Variants in TEX11 observed in about 807,000 individuals in gnomAD.
TEX11 encodes testis expressed 11, also known as testis-expressed protein 11.
A neutral mutation model predicts 84.4 loss-of-function variants in TEX11; 7 were observed. That is an observed-to-expected ratio of 0.08 (90% CI 0.05 to 0.16). TEX11 has a LOEUF of 0.16. Among genes scored for constraint, TEX11 ranks in the 10% least tolerant of loss-of-function variants. The pLI is 1.00. For synonymous variants in TEX11, 264 were observed against 222.8 expected, an observed-to-expected ratio of 1.18 and a Z score of -1.64; for missense variants, 551 against 660.5, an observed-to-expected ratio of 0.83 and a Z score of 1.82.
rs756093368 is a variant in TEX11 at position 70,846,859 on chromosome X, G to C, written c.525+6175C>G. On this transcript the variant is annotated intron_variant, in intron 7 of 29. Transcript: ENST00000374333. The stretch of plus-strand genomic sequence containing the variant: ...GAATAGCTTGAACCCAGGAGGCAGA[G>C]ATTTCAGTGAGCTGAGATCACGCCA... Among the ~76,000 whole-genome samples, 6 of 111,593 alleles carry C rather than the reference G, an allele frequency of 5.4e-5. No homozygotes were observed. In the Admixed American group the frequency reaches 5.7e-4, roughly 11 times the overall value.
At chrX:70,903,424 G>A (rs2091813785) in intron 2 of TEX11, among the ~76,000 whole-genome samples, 1 of 110,716 alleles carries the variant, frequency 9.0e-6, no homozygotes, top group South Asian at 4.1e-4. Flanking sequence ...TAACAGCTCT[G>A]ACATCACTAG....
At chrX:70,565,578 G>C (rs954153546) in intron 25 of TEX11, among the ~76,000 whole-genome samples, 4 of 111,132 alleles carry the variant, frequency 3.6e-5, no homozygotes, top group Non-Finnish European at 7.5e-5. Flanking sequence ...ATTGATTTTT[G>C]TATAAGGGGT....
chrX:70,634,757 A>G lies in TEX11; in HGVS notation c.1484-5022T>C, dbSNP rs1295075361. 8.2e-4 allele frequency among the ~76,000 whole-genome samples: 92 copies of G among 112,195 alleles called. 3 individuals carry two copies. Among genetic ancestry groups the G allele is most frequent in the Non-Finnish European group, 3.8e-5 (2 of 53,253 alleles). On this transcript the variant is annotated intron_variant, in intron 17 of 29. Transcript: ENST00000374333. ...CAATCCATACCTTGAACCAAATACAAAAATTAACTAAAAATTGTTCATAGA... is the reference window on the plus strand; with the variant it reads ...CAATCCATACCTTGAACCAAATACAGAAATTAACTAAAAATTGTTCATAGA...
At chrX:70,592,511 T>G (rs1206832147) in intron 24 of TEX11, among the ~76,000 whole-genome samples, 1 of 111,653 alleles carries the variant, frequency 9.0e-6, no homozygotes, top group African/African-American at 3.3e-5. Context: ...AGCCTCTATT[T>G]GTAAGGCAAA....
intron 13 of TEX11, among the ~76,000 whole-genome samples, chrX:70,707,250 T>A (rs976700684): frequency 1.8e-5 from 2 of 111,062 alleles, no homozygotes; most frequent in South Asian, 7.6e-4. Flanking sequence ...CCTATACCAA[T>A]TTGTCACTTA....
At chrX:70,613,388 G>C (rs962263599) in intron 20 of TEX11, among the ~76,000 whole-genome samples, 4 of 111,583 alleles carry the variant, frequency 3.6e-5, no homozygotes, top group Non-Finnish European at 5.6e-5. Context: ...ACTTGAGAAA[G>C]AGAGAGAGAG....
chrX:70,800,584 T>C (rs748255419), intron 9 of TEX11, among the ~76,000 whole-genome samples: 1 of 111,020 alleles, frequency 9.0e-6, no homozygotes, highest in Admixed American at 9.6e-5. Context: ...AATGAAAATA[T>C]GGAGAAAAGA....
intron 25 of TEX11, among the ~76,000 whole-genome samples, chrX:70,564,621 T>C (rs2088430268): frequency 1.0e-5 from 1 of 99,563 alleles, no homozygotes; most frequent in African/African-American, 3.7e-5. Flanking sequence ...ATTCTCATCG[T>C]TCAATTCCCA....
chrX:70,589,164 A>G (rs2088893531), intron 25 of TEX11, among the ~76,000 whole-genome samples: 1 of 110,779 alleles, frequency 9.0e-6, no homozygotes, highest in East Asian at 2.8e-4. Context: ...TATATATTTT[A>G]CCACAAAACT....
intron 13 of TEX11, among the ~76,000 whole-genome samples, chrX:70,718,438 A>G (rs753999217): frequency 1.6e-3 from 180 of 111,902 alleles, no homozygotes; most frequent in Non-Finnish European, 2.0e-3. Flanking sequence ...CATTTCCCCA[A>G]AAAATGACTT....
intron 28 of TEX11, among the ~76,000 whole-genome samples, chrX:70,546,425 T>C (rs2088125789): frequency 9.0e-6 from 1 of 111,559 alleles, no homozygotes. Flanking sequence ...CTTTGGCTCT[T>C]CAAATGATAC....
rs1287304941 is a variant in TEX11 at position 70,624,014 on chromosome X, A to G, written c.1695-8T>C. Reference sequence around the variant, plus strand: ...AGAAAACGAAGCAAACACCTGTATGACAAAGTAATATGGAAAGTGATTCTT... The same window carrying G: ...AGAAAACGAAGCAAACACCTGTATGGCAAAGTAATATGGAAAGTGATTCTT... On this transcript the variant is annotated splice_polypyrimidine_tract_variant and splice_region_variant and intron_variant, in intron 19 of 29. Transcript: ENST00000374333. 1.7e-6 allele frequency: 2 copies of G among 1,193,634 alleles called. No homozygotes were observed. Among genetic ancestry groups the G allele is most frequent in the East Asian group, 3.0e-5 (1 of 33,460 alleles).
intron 9 of TEX11, among the ~76,000 whole-genome samples, chrX:70,795,211 G>A (rs2091148790): frequency 9.1e-6 from 1 of 109,579 alleles, no homozygotes; most frequent in Non-Finnish European, 1.9e-5. Context: ...CCACGGGCCT[G>A]TGACAGTGGT....
At chrX:70,667,622 T>C (rs2089987053) in intron 16 of TEX11, among the ~76,000 whole-genome samples, 1 of 112,077 alleles carries the variant, frequency 8.9e-6, no homozygotes, top group South Asian at 3.7e-4. Flanking sequence ...AAGGTAATTA[T>C]AGTGACAGGA....
intron 25 of TEX11, among the ~76,000 whole-genome samples, chrX:70,569,446 T>C (rs2088552576): frequency 8.9e-6 from 1 of 112,340 alleles, no homozygotes; most frequent in Non-Finnish European, 1.9e-5. Flanking sequence ...CCGTTGCTGG[T>C]AAGGAGCTGC....
chrX:70,673,694 T>G, intron 15 of TEX11, among the ~76,000 whole-genome samples: 1 of 111,846 alleles, frequency 8.9e-6, no homozygotes, highest in Middle Eastern at 4.6e-3. Flanking sequence ...TCCATTGAAT[T>G]ACTTTTGTGC....
At chrX:70,819,718 CAAATT>C (rs2091308821) in intron 8 of TEX11, among the ~76,000 whole-genome samples, 1 of 111,784 alleles carries the variant, frequency 8.9e-6, no homozygotes, top group African/African-American at 3.2e-5. Flanking sequence ...AACTAATAAA[CAAATT>C]AAAGTAACAT....
intron 13 of TEX11, among the ~76,000 whole-genome samples, chrX:70,719,505 C>A (rs745331118): frequency 6.3e-5 from 7 of 111,648 alleles, no homozygotes; most frequent in East Asian, 5.6e-4. Context: ...GCAACAAAAG[C>A]CAAAATTGAC....
the TEX11 span, among the ~76,000 whole-genome samples, chrX:70,522,989 AC>A: frequency 9.1e-6 from 1 of 110,454 alleles, no homozygotes; most frequent in Non-Finnish European, 1.9e-5. Context: ...AGTTAAAAAA[AC>A]AGAGGCCATT....
Sources: allele counts gnomAD v4.1 joint callset (sites outside exome capture counted in the v4.1 genomes callset), GRCh38; gene constraint gnomAD v4.1.1; transcripts MANE v1.5; gene names NCBI Gene and HGNC (gene_info 2026-07-23, HGNC 2026-07-21).